Variants in TENM1 observed in about 807,000 individuals in gnomAD.
TENM1 encodes teneurin-1.
In TENM1, 35 loss-of-function variants were observed where a neutral mutation model predicts 174.8. The observed-to-expected ratio is 0.20, with a 90% CI of 0.15 to 0.27. The LOEUF (loss-of-function observed/expected upper bound fraction) is 0.27. TENM1 is among the 10% of genes least tolerant of loss of function. TENM1 has a pLI of 1.00. For synonymous variants in TENM1, 781 were observed against 798.7 expected (o/e 0.98, Z 0.37); for missense variants, 1,633 against 2,130.1 (o/e 0.77, Z 4.59).
intron 16 of TENM1, among the ~76,000 whole-genome samples, chrX:124,529,295 G>A (rs2048052918): frequency 8.9e-6 from 1 of 111,944 alleles, no homozygotes; most frequent in Non-Finnish European, 1.9e-5. Flanking sequence ...TTTACTTCAA[G>A]GTCTTGCTTC....
the TENM1 span, among the ~76,000 whole-genome samples, chrX:125,014,200 G>T: frequency 8.9e-6 from 1 of 112,537 alleles, no homozygotes; most frequent in African/African-American, 3.2e-5. Flanking sequence ...TTCACTGTGA[G>T]TTTTAGCTTC....
At chrX:125,071,786 GTTA>G in the TENM1 span, among the ~76,000 whole-genome samples, 2 of 111,071 alleles carry the variant, frequency 1.8e-5, no homozygotes, top group African/African-American at 6.5e-5. Context: ...ACACATATTA[GTTA>G]TTATTATTAG....
At chrX:124,401,672 G>T (rs2060402705) in intron 27 of TENM1, among the ~76,000 whole-genome samples, 1 of 112,007 alleles carries the variant, frequency 8.9e-6, no homozygotes, top group Non-Finnish European at 1.9e-5. Context: ...TGGGGGAAGA[G>T]AATTTGCTTT....
the TENM1 span, among the ~76,000 whole-genome samples, chrX:125,118,836 A>ATC: frequency 8.9e-6 from 1 of 112,067 alleles, no homozygotes; most frequent in South Asian, 3.7e-4. Flanking sequence ...TAAAAAAGTA[A>ATC]ATACTGTATT....
intron 1 of TENM1, among the ~76,000 whole-genome samples, chrX:124,905,489 C>T (rs2057732686): frequency 9.0e-6 from 1 of 111,680 alleles, no homozygotes; most frequent in Non-Finnish European, 1.9e-5. Flanking sequence ...TATTCTCCTG[C>T]CTTAAATGAC....
chrX:124,430,658 GT>G (rs1398047247), intron 23 of TENM1, among the ~76,000 whole-genome samples: 1 of 111,699 alleles, frequency 9.0e-6, no homozygotes, highest in Non-Finnish European at 1.9e-5. Flanking sequence ...AAACTCTTAA[GT>G]TTAATCATAT....
chrX:125,079,314 T>C, the TENM1 span, among the ~76,000 whole-genome samples: 1 of 112,176 alleles, frequency 8.9e-6, no homozygotes, highest in South Asian at 3.7e-4. Flanking sequence ...CTTTACTTGC[T>C]GAAAAGCAAG....
chrX:124,674,868 A>C (rs2052026070), intron 5 of TENM1, among the ~76,000 whole-genome samples: 1 of 111,731 alleles, frequency 9.0e-6, no homozygotes, highest in Non-Finnish European at 1.9e-5. Flanking sequence ...TACTTCTGTG[A>C]AATTAGATGG....
At position 124,532,189 on chromosome X, in the gene TENM1, C is replaced by G. The variant is rs763656505; in HGVS notation, c.2652-2206G>C. ...CCTAGGTGCTTGCTGATTCCCTATT[C>G]GCAAGACAATTCCAAAGTCACTCTT... On this transcript the variant is annotated intron_variant, in intron 15 of 31. Transcript: ENST00000422452. 3.8e-4 allele frequency among the ~76,000 whole-genome samples: 43 copies of G among 111,988 alleles called. 1 individual carries two copies. Among genetic ancestry groups the G allele is most frequent in the Non-Finnish European group, 5.6e-5 (3 of 53,166 alleles).
the TENM1 span, among the ~76,000 whole-genome samples, chrX:125,159,008 G>C: frequency 2.7e-5 from 3 of 110,748 alleles, no homozygotes; most frequent in Non-Finnish European, 5.7e-5. Context: ...CTGTATAGCA[G>C]AGTAAAGGCA....
chrX:125,109,841 C>T, the TENM1 span, among the ~76,000 whole-genome samples: 29 of 111,340 alleles, frequency 2.6e-4, no homozygotes, highest in Non-Finnish European at 4.3e-4. Context: ...AGGAAATAGT[C>T]GGGCTCAGAT....
chrX:124,832,339 G>A (rs769762033), intron 3 of TENM1, among the ~76,000 whole-genome samples: 2 of 111,912 alleles, frequency 1.8e-5, no homozygotes, highest in East Asian at 5.6e-4. Flanking sequence ...CCAGTGTTGT[G>A]TAATGTTCAA....
intron 1 of TENM1, among the ~76,000 whole-genome samples, chrX:124,942,070 T>C (rs2058336488): frequency 8.9e-6 from 1 of 111,829 alleles, no homozygotes; most frequent in Admixed American, 9.5e-5. Context: ...GTAGAAATTA[T>C]GGGAGCTACA....
At chrX:124,585,955 T>G (rs2049495077) in intron 11 of TENM1, among the ~76,000 whole-genome samples, 1 of 110,473 alleles carries the variant, frequency 9.1e-6, no homozygotes. Flanking sequence ...GATAAATTCC[T>G]CGACACATAC....
At chrX:125,148,485 G>T in the TENM1 span, among the ~76,000 whole-genome samples, 2 of 111,182 alleles carry the variant, frequency 1.8e-5, no homozygotes, top group Non-Finnish European at 3.8e-5. Flanking sequence ...CTTCTTCTCT[G>T]CTCTCTTCTT....
At chrX:124,941,646 C>T (rs1300283094) in intron 1 of TENM1, among the ~76,000 whole-genome samples, 2 of 111,642 alleles carry the variant, frequency 1.8e-5, no homozygotes, top group Admixed American at 9.5e-5. Flanking sequence ...TGTGAAGTCA[C>T]GTTCAAAAGA....
At chrX:124,474,141 T>C (rs2061363556) in intron 22 of TENM1, among the ~76,000 whole-genome samples, 1 of 111,638 alleles carries the variant, frequency 9.0e-6, no homozygotes, top group Admixed American at 9.5e-5. Flanking sequence ...TGGGTCATTA[T>C]TATAATTATT....
the TENM1 span, among the ~76,000 whole-genome samples, chrX:124,979,306 G>A: frequency 1.8e-5 from 2 of 111,476 alleles, no homozygotes; most frequent in African/African-American, 3.3e-5. Flanking sequence ...TCAATTCGTT[G>A]AGCTTCATAA....
chrX:125,166,676 G>C, the TENM1 span, among the ~76,000 whole-genome samples: 1 of 111,519 alleles, frequency 9.0e-6, no homozygotes, highest in Non-Finnish European at 1.9e-5. Flanking sequence ...ATTGAAGACA[G>C]ATAAAATTGC....
Sources: gnomAD v4.1 joint callset for allele counts (sites outside exome capture counted in the v4.1 genomes callset) on GRCh38, gnomAD v4.1.1 for gene constraint, MANE v1.5 for transcripts, NCBI Gene and HGNC (gene_info 2026-07-23, HGNC 2026-07-21) for gene names.